Variants in DOCK9 observed in about 807,000 individuals in gnomAD.
DOCK9 encodes the protein dedicator of cytokinesis protein 9.
In DOCK9, 89 loss-of-function variants were observed where a neutral mutation model predicts 263.3. That is an observed-to-expected ratio of 0.34 (90% CI 0.28 to 0.40). The LOEUF (loss-of-function observed/expected upper bound fraction) is 0.40, where lower values mean the gene tolerates loss of function less well. Ranked by LOEUF, DOCK9 falls within the 10% of genes least tolerant of loss-of-function variation. DOCK9 has a pLI of 1.00. For missense variants in DOCK9, 2,140 were observed against 2,603.4 expected, an observed-to-expected ratio of 0.82 and a Z score of 3.87; for synonymous variants, 976 against 973.1, an observed-to-expected ratio of 1.00 and a Z score of -0.06.
chr13:98,890,307 ACC>A (rs1428836700), intron 15 of DOCK9, among the ~76,000 whole-genome samples: 2 of 149,618 alleles, frequency 1.3e-5, no homozygotes, highest in African/African-American at 5.1e-5. Context: ...CTCATTCATC[ACC>A]CTCCCTAGCA....
intron 34 of DOCK9, 62 bp downstream of exon 34, chr13:98,855,836 G>C: frequency 6.3e-7 from 1 of 1,593,198 alleles, no homozygotes; most frequent in Non-Finnish European, 8.6e-7. Flanking sequence ...CATGAAGTAC[G>C]TTTACTTTGG....
intron 37 of DOCK9, 68 bp from the exon 38 acceptor site, chr13:98,846,128 G>A (rs2093383531): frequency 2.0e-6 from 3 of 1,523,850 alleles, no homozygotes; most frequent in Non-Finnish European, 8.9e-7. Flanking sequence ...GACGGGGAGT[G>A]TTAGTGAAGC....
intron 40 of DOCK9, 49 bp downstream of exon 40, chr13:98,831,600 T>G: frequency 6.2e-7 from 1 of 1,602,446 alleles, no homozygotes; most frequent in Non-Finnish European, 8.5e-7. Flanking sequence ...ACCCTTCAAT[T>G]CCGGGGGAAG....
intron 1 of DOCK9, among the ~76,000 whole-genome samples, chr13:98,984,933 C>A (rs1424830348): frequency 1.3e-5 from 2 of 152,102 alleles, no homozygotes; most frequent in Non-Finnish European, 2.9e-5. Context: ...AAGAAAAACA[C>A]AAAGACAAAA....
intron 1 of DOCK9, among the ~76,000 whole-genome samples, chr13:99,082,091 T>C (rs1021316520): frequency 6.6e-6 from 1 of 152,064 alleles, no homozygotes; most frequent in Non-Finnish European, 1.5e-5. Flanking sequence ...TGGTGGTGCA[T>C]GCCTGTAATC....
At position 99,081,249 on chromosome 13, in the gene DOCK9, G is replaced by A. The variant is rs536117424; in HGVS notation, c.129+4974C>T. On this transcript the variant is annotated intron_variant, in intron 1 of 32. Transcript: ENST00000427887. ...GAGAATTTCAAAGAACACCATTACCGGGGTCTCACGTTACCTCCGACAGCA... is the reference window on the plus strand; with the variant it reads ...GAGAATTTCAAAGAACACCATTACCAGGGTCTCACGTTACCTCCGACAGCA... Among the ~76,000 whole-genome samples the A allele has an allele frequency of 9.8e-5, 15 of 152,292 alleles. No individual in the cohort carries two copies. The South Asian group carries it at 1.2e-3, about 13-fold the overall frequency.
At chr13:98,819,807 T>C (rs2092149060) in intron 45 of DOCK9, among the ~76,000 whole-genome samples, 1 of 152,272 alleles carries the variant, frequency 6.6e-6, no homozygotes, top group Admixed American at 6.5e-5. Context: ...ATATGTTCTG[T>C]TGATGTCTCT....
chr13:98,927,652 G>A (rs7329932), intron 3 of DOCK9, among the ~76,000 whole-genome samples: 72,379 of 150,892 alleles, frequency 0.48, 17,635 homozygotes, highest in Middle Eastern at 0.56. Flanking sequence ...ACGGAATCTT[G>A]CTCTGTTACC....
At chr13:98,979,072 T>G (rs776307760), upstream of DOCK9, among the ~76,000 whole-genome samples, 2 of 152,106 alleles carry the variant, frequency 1.3e-5, no homozygotes, top group Non-Finnish European at 2.9e-5. Context: ...CTTTTCCTAG[T>G]TACTCTGAGT....
chr13:98,878,573 A>G (rs1259672361), intron 27 of DOCK9, among the ~76,000 whole-genome samples: 1 of 152,224 alleles, frequency 6.6e-6, no homozygotes, highest in Non-Finnish European at 1.5e-5. Context: ...ACTTAGCTGC[A>G]TACTGCCAAG....
rs999841192 is a variant in DOCK9, at chr13:99,086,451, C to G, written c.-100G>C. ...TCGGCGCCCGGCCCGCTCCGCCCGC[C>G]GCTCCCGGCGCCGCCGCCGCCTGCT... is the stretch of plus-strand genomic sequence containing the variant. On this transcript the variant is annotated 5_prime_UTR_variant, in exon 1 of 33. Transcript: ENST00000427887. 32 of 797,328 alleles carry G rather than the reference C, an allele frequency of 4.0e-5. No individual in the cohort carries two copies. The African/African-American group carries it at 5.3e-4, about 13-fold the overall frequency. 49.4% of individuals were successfully genotyped at this position (797,328 alleles called of 1,614,324 possible).
chr13:98,914,278 C>G, intron 9 of DOCK9, 50 bp downstream of exon 9: 1 of 1,457,574 alleles, frequency 6.9e-7, no homozygotes, highest in Non-Finnish European at 9.5e-7. Flanking sequence ...TGAAATGAGA[C>G]ATACTTCAAC....
At chr13:98,901,395 C>T (rs2048259868) in intron 13 of DOCK9, among the ~76,000 whole-genome samples, 1 of 152,210 alleles carries the variant, frequency 6.6e-6, no homozygotes, top group Non-Finnish European at 1.5e-5. Context: ...ATCTCCTGGT[C>T]TCCAGCCTCA....
intron 2 of DOCK9, among the ~76,000 whole-genome samples, chr13:98,933,359 T>C (rs1248853272): frequency 6.6e-6 from 1 of 151,946 alleles, no homozygotes; most frequent in African/African-American, 2.4e-5. Context: ...CAAAGTCCCA[T>C]TATGTTCTCA....
chr13:98,797,580 G>A (rs1566500671), intron 50 of DOCK9, 91 bp from the exon 51 acceptor site: 14 of 1,096,394 alleles, frequency 1.3e-5, no homozygotes, highest in Admixed American at 4.3e-5. Context: ...TAAAAAGCCC[G>A]TTCGCGTGAG....
chr13:98,902,120 G>A (rs1033929307), intron 12 of DOCK9, among the ~76,000 whole-genome samples, 168 bp downstream of exon 12: 1 of 152,222 alleles, frequency 6.6e-6, no homozygotes, highest in African/African-American at 2.4e-5. Context: ...GAAATTAAAA[G>A]CCACTTATTT....
intron 45 of DOCK9, among the ~76,000 whole-genome samples, chr13:98,816,572 T>C (rs1348679630): frequency 2.0e-5 from 3 of 151,358 alleles, no homozygotes; most frequent in Non-Finnish European, 2.9e-5. Flanking sequence ...CAGGAAGAGA[T>C]GGTAAAAGAT....
intron 38 of DOCK9, among the ~76,000 whole-genome samples, chr13:98,839,996 A>C (rs1004310482): frequency 2.0e-5 from 3 of 152,222 alleles, no homozygotes; most frequent in Non-Finnish European, 4.4e-5. Context: ...TCATCTAAAA[A>C]ATCAGCAGGA....
chr13:98,925,802 G>A (rs2052846170), intron 4 of DOCK9, 35 bp downstream of exon 4: 1 of 1,435,964 alleles, frequency 7.0e-7, no homozygotes, highest in Non-Finnish European at 9.4e-7. Flanking sequence ...CAAGTACAAA[G>A]ACTTTTCCCT....
Sources: gnomAD v4.1 joint callset for allele counts (sites outside exome capture counted in the v4.1 genomes callset) on GRCh38, gnomAD v4.1.1 for gene constraint, MANE v1.5 for transcripts, NCBI Gene and HGNC (gene_info 2026-07-23, HGNC 2026-07-21) for gene names.